BRD3: variants seen among roughly 807,000 people sequenced by gnomAD.
BRD3 encodes bromodomain containing 3.
BRD3 carries 17 observed loss-of-function variants against 66.8 expected under a neutral mutation model. The observed-to-expected ratio is 0.25, with a 90% CI of 0.17 to 0.38. The LOEUF is 0.38. Ranked by LOEUF, BRD3 falls within the 10% of genes least tolerant of loss-of-function variation. The pLI is 1.00. For synonymous variants in BRD3, 421 were observed against 393.2 expected (o/e 1.07, Z -0.84); for missense variants, 713 against 956.1 (o/e 0.75, Z 3.35).
chr9:134,048,751 G>A (rs555288117), intron 5 of BRD3, among the ~76,000 whole-genome samples: 1 of 152,226 alleles, frequency 6.6e-6, no homozygotes, highest in Non-Finnish European at 1.5e-5. Context: ...GTCCCGGGTG[G>A]GCTCGCACCT....
intron 3 of BRD3, among the ~76,000 whole-genome samples, chr9:134,051,911 G>A (rs1263728697): frequency 4.3e-4 from 50 of 116,550 alleles, no homozygotes; most frequent in Admixed American, 1.0e-3. Flanking sequence ...TTTTTTTTGA[G>A]ATGGAGTCTT....
intron 1 of BRD3, among the ~76,000 whole-genome samples, chr9:134,067,219 A>T (rs1830679307): frequency 6.6e-6 from 1 of 152,090 alleles, no homozygotes; most frequent in South Asian, 2.1e-4. Flanking sequence ...TTTCAGGCTG[A>T]TTTCAAAACG....
chr9:134,048,578 G>T, intron 5 of BRD3, 124 bp from the exon 6 acceptor site: 1 of 1,433,720 alleles, frequency 7.0e-7, no homozygotes, highest in Non-Finnish European at 9.5e-7. Flanking sequence ...CACATGCACG[G>T]CCCCACAGGA....
chr9:134,051,849 G>GTA (rs1328966681), intron 3 of BRD3, 140 bp from the exon 4 acceptor site: 9 of 340,336 alleles, frequency 2.6e-5, no homozygotes, highest in Admixed American at 1.3e-4. Flanking sequence ...ATGAATATAT[G>GTA]TGTGTGTGTG....
At chr9:134,042,646 TACACACACACACAC>T (rs149487771) in intron 7 of BRD3, among the ~76,000 whole-genome samples, 1 of 134,766 alleles carries the variant, frequency 7.4e-6, no homozygotes. Flanking sequence ...CAAATATATA[TACACACACACACAC>T]ACACACACAC....
chr9:134,032,905 G>A lies in BRD3; in HGVS notation c.*685C>T. The A allele has an allele frequency of 3.2e-6, 1 of 314,700 alleles. No individual in the cohort carries two copies. Among genetic ancestry groups the A allele is most frequent in the East Asian group, 4.4e-5 (1 of 22,540 alleles). The allele number at this position is 314,700 out of a possible 1,614,324, so 19.5% of individuals were successfully genotyped here. A position where few individuals can be genotyped will look rare whatever the true frequency, so the allele number is the denominator to read the frequency against. On this transcript the variant is annotated 3_prime_UTR_variant, in exon 12 of 12. Coordinates refer to ENST00000303407, the MANE Select transcript of BRD3 (RefSeq NM_007371.4). Reference sequence around the variant, plus strand: ...TTAAAGTTGAGGTAAAAGCTTCAGTGTATGGAAACCTGCAGGCTGCATACA... The same window carrying A: ...TTAAAGTTGAGGTAAAAGCTTCAGTATATGGAAACCTGCAGGCTGCATACA...
At position 134,044,997 on chromosome 9, in the gene BRD3, G is replaced by A. The variant is rs997027983; in HGVS notation, c.1215+296C>T. The stretch of plus-strand genomic sequence containing the variant: ...AGCCGCAAGAGAAAGAGCATCTGCC[G>A]TCCCACCTGGTACACGCACCAGTCC... On this transcript the variant is annotated intron_variant, in intron 7 of 11. Coordinates refer to ENST00000303407, the MANE Select transcript of BRD3 (RefSeq NM_007371.4). Among the ~76,000 whole-genome samples, 23 of 152,300 alleles carry A rather than the reference G, an allele frequency of 1.5e-4. No homozygotes were observed. In the Middle Eastern group the frequency reaches 0.01, roughly 68 times the overall value.
At chr9:134,051,518 T>G (rs749317781) in intron 4 of BRD3, 44 bp downstream of exon 4, 2 of 1,479,730 alleles carry the variant, frequency 1.4e-6, no homozygotes, top group South Asian at 2.9e-5. Context: ...CCCGTGGGCC[T>G]CTGCAGAGAG....
At chr9:134,035,989 G>A (rs1829901042) in intron 10 of BRD3, 43 bp downstream of exon 10, 2 of 1,554,264 alleles carry the variant, frequency 1.3e-6, no homozygotes, top group South Asian at 1.2e-5. Flanking sequence ...GGCCAAGGAG[G>A]GGAGAGGAAC....
chr9:134,063,622 C>T (rs1262510829), intron 1 of BRD3, among the ~76,000 whole-genome samples: 1 of 152,202 alleles, frequency 6.6e-6, no homozygotes, highest in Non-Finnish European at 1.5e-5. Context: ...TGCCTCATCT[C>T]GGTCAGTGCT....
chr9:134,047,651 G>T (rs1266191228), intron 6 of BRD3, among the ~76,000 whole-genome samples: 1 of 152,182 alleles, frequency 6.6e-6, no homozygotes, highest in East Asian at 1.9e-4. Context: ...GCACTTAGGG[G>T]ACAGAAGCCA....
At position 134,048,501 on chromosome 9, in the gene BRD3, A is replaced by G. The variant is rs374247405; in HGVS notation, c.715-47T>C. 258 of 1,595,730 alleles carry G rather than the reference A, an allele frequency of 1.6e-4. 1 individual carries two copies. In the African/African-American group the frequency reaches 2.8e-3, roughly 18 times the overall value. ...TGAACCCCGGAAACCAGGGGCCCCG[A>G]AGACGCATGTCGCTGCAGCCGCGTT... On this transcript the variant is annotated intron_variant, in intron 5 of 11. Transcript: ENST00000303407.
intron 1 of BRD3, among the ~76,000 whole-genome samples, chr9:134,066,478 A>T (rs1275180168): frequency 6.6e-6 from 1 of 152,140 alleles, no homozygotes; most frequent in Non-Finnish European, 1.5e-5. Flanking sequence ...GTTGGAAGCC[A>T]GTAACAAACT....
chr9:134,031,002 C>T lies in BRD3; in HGVS notation c.*2588G>A, dbSNP rs1217783258. Reference sequence around the variant, plus strand: ...CAGAAGAAACGGACGTGACTGTCACCCTCAGCCCGCCAGCAAGGGCGCTGA... The same window carrying T: ...CAGAAGAAACGGACGTGACTGTCACTCTCAGCCCGCCAGCAAGGGCGCTGA... On this transcript the variant is annotated 3_prime_UTR_variant, in exon 12 of 12. Transcript: ENST00000303407. 3.0e-5 allele frequency: 7 copies of T among 231,000 alleles called. No homozygotes were observed. 14.3% of individuals were successfully genotyped at this position (231,000 alleles called of 1,614,324 possible). A position where few individuals can be genotyped will look rare whatever the true frequency, so the allele number is the denominator to read the frequency against.
chr9:134,061,978 C>A (rs1195869707), intron 1 of BRD3, among the ~76,000 whole-genome samples: 1 of 152,210 alleles, frequency 6.6e-6, no homozygotes, highest in Non-Finnish European at 1.5e-5. Context: ...CCTCCCCAGC[C>A]CACGTGGTGA....
At chr9:134,049,783 A>G (rs2132421051) in intron 5 of BRD3, among the ~76,000 whole-genome samples, 1 of 152,344 alleles carries the variant, frequency 6.6e-6, no homozygotes, top group South Asian at 2.1e-4. Flanking sequence ...CGAAGAAGAT[A>G]ATACACATAA....
In BRD3 at chr9:134,044,405, C is replaced by G. The variant is rs115771215; in HGVS notation, c.1215+888G>C. On this transcript the variant is annotated intron_variant, in intron 7 of 11. Transcript: ENST00000303407. ...AATACCATGGGCTGCTCGGGGATTT[C>G]AAAACAGTCTATGCAAGGACTGAGA... is the stretch of plus-strand genomic sequence containing the variant. Among the ~76,000 whole-genome samples, 459 of 152,224 alleles carry G rather than the reference C, an allele frequency of 3.0e-3. 2 individuals are homozygous for G. Among genetic ancestry groups the G allele is most frequent in the African/African-American group, 0.01 (436 of 41,532 alleles).
intron 6 of BRD3, among the ~76,000 whole-genome samples, chr9:134,046,563 C>T (rs1232018556): frequency 6.6e-6 from 1 of 152,184 alleles, no homozygotes; most frequent in African/African-American, 2.4e-5. Context: ...AACCCGGGGG[C>T]ACAGTGGGAC....
chr9:134,041,640 A>C, intron 8 of BRD3, 120 bp downstream of exon 8: 4 of 1,292,154 alleles, frequency 3.1e-6, no homozygotes, highest in Non-Finnish European at 3.2e-6. Context: ...GGGAAGCACT[A>C]CCGCGGCTGC....
Sources: gnomAD v4.1 joint callset for allele counts (sites outside exome capture counted in the v4.1 genomes callset) on GRCh38, gnomAD v4.1.1 for gene constraint, MANE v1.5 for transcripts, NCBI Gene and HGNC (gene_info 2026-07-23, HGNC 2026-07-21) for gene names.